The following A2ML1 variants were observed in gnomAD, a reference collection of about 807,000 sequenced individuals.
A2ML1 encodes alpha-2-macroglobulin like 1, also known as alpha-2-macroglobulin-like protein 1.
A2ML1 carries 161 observed loss-of-function variants against 181.9 expected under a neutral mutation model. The ratio of observed to expected loss-of-function variants is 0.89; its 90% CI spans 0.78 to 1.01. The LOEUF (loss-of-function observed/expected upper bound fraction) is 1.01, where lower values mean the gene tolerates loss of function less well. Ranked by LOEUF, A2ML1 falls within the 50% of genes least tolerant of loss-of-function variation. A2ML1 has a pLI of 0.00. For missense variants in A2ML1, 1,670 were observed against 1,768.1 expected, an observed-to-expected ratio of 0.94 and a Z score of 1.00; for synonymous variants, 663 against 666.8, an observed-to-expected ratio of 0.99 and a Z score of 0.09.
intron 14 of A2ML1, among the ~76,000 whole-genome samples, chr12:8,846,810 CAA>C (rs199881026): frequency 1.8e-3 from 239 of 130,212 alleles, no homozygotes; most frequent in Middle Eastern, 0.012. Context: ...GACTCTGTCT[CAA>C]AAAAAAAAAA....
chr12:8,834,615 T>C (rs371936725), intron 4 of A2ML1, 47 bp from the exon 5 acceptor site: 19 of 1,609,372 alleles, frequency 1.2e-5, no homozygotes, highest in African/African-American at 2.7e-5. Flanking sequence ...CTTATTCTTA[T>C]TGCTGTCAAC....
chr12:8,847,677 C>A lies in A2ML1; in HGVS notation c.1812C>A (p.Asp604Glu), dbSNP rs1182071876. ...AGAGTGTCTTACTGCTTAGGCCAGACAGAGAGCTGAGCAACCGCTCTGTGA... is the reference window on the plus strand; with the variant it reads ...AGAGTGTCTTACTGCTTAGGCCAGAAAGAGAGCTGAGCAACCGCTCTGTGA... ...VDESVLLLRP[D>E]RELSNRSVYG... Residue 604 changes from aspartate (D) to glutamate (E), a missense_variant, in exon 15 of 36, where the codon GAC (aspartate) becomes GAA (glutamate). Coordinates refer to ENST00000299698, the MANE Select transcript of A2ML1 (RefSeq NM_144670.6). 6.2e-7 allele frequency: 1 copy of A among 1,612,398 alleles called. No individual in the cohort carries two copies. The highest frequency in any genetic ancestry group is 1.7e-5 in the Admixed American group (1 of 59,774).
At chr12:8,834,567 AAAGG>A in intron 4 of A2ML1, 91 bp from the exon 5 acceptor site, 2 of 1,461,860 alleles carry the variant, frequency 1.4e-6, no homozygotes, top group Non-Finnish European at 1.9e-6. Context: ...GGCAAGAGGG[AAAGG>A]AAGAATTCTT....
At chr12:8,828,923 G>A (rs939395704) in intron 3 of A2ML1, among the ~76,000 whole-genome samples, 3 of 152,164 alleles carry the variant, frequency 2.0e-5, no homozygotes, top group African/African-American at 7.2e-5. Flanking sequence ...CCCTGTGATT[G>A]GGCAGCATTG....
Position 8,835,542 on chromosome 12 carries a change from A to C in A2ML1, c.519A>C (p.Glu173Asp), listed in dbSNP as rs1238188797. 2 of 1,614,190 alleles carry C rather than the reference A, an allele frequency of 1.2e-6. No individual in the cohort carries two copies. Among genetic ancestry groups the C allele is most frequent in the East Asian group, 4.5e-5 (2 of 44,886 alleles). ...PNSNRIAQWL[E>D]VVPEQGIVDL... ...GCAACAGGATTGCACAGTGGCTGGA[A>C]GTGGTACCTGAGCAAGGCATTGTAG... Residue 173 changes from glutamate (E) to aspartate (D), a missense_variant, in exon 6 of 36, where the codon GAA becomes GAC. Coordinates refer to ENST00000299698, the MANE Select transcript of A2ML1 (RefSeq NM_144670.6).
chr12:8,873,864 T>TTC (rs940445756), intron 33 of A2ML1, among the ~76,000 whole-genome samples: 15 of 151,860 alleles, frequency 9.9e-5, no homozygotes, highest in Non-Finnish European at 1.8e-4. Flanking sequence ...GGGTGGACCA[T>TTC]GAACAAAGGG....
intron 15 of A2ML1, among the ~76,000 whole-genome samples, chr12:8,848,003 A>T (rs902059772): frequency 7.9e-6 from 1 of 126,430 alleles, no homozygotes; most frequent in African/African-American, 3.1e-5. Flanking sequence ...AAAAAAAAAA[A>T]TTAACTGGGC....
chr12:8,883,962 G>T (rs762915081), intron 7 of A2ML1, among the ~76,000 whole-genome samples: 1,518 of 151,524 alleles, frequency 0.01, 28 homozygotes, highest in African/African-American at 0.035. Context: ...ATTTTTGTAT[G>T]TTTAGTAGAG....
intron 33 of A2ML1, among the ~76,000 whole-genome samples, chr12:8,870,045 G>A (rs1435096084): frequency 1.3e-5 from 2 of 152,244 alleles, no homozygotes; most frequent in Admixed American, 6.5e-5. Context: ...ATGTTCTAAA[G>A]ATTGTTACAA....
intron 18 of A2ML1, among the ~76,000 whole-genome samples, chr12:8,851,103 C>A (rs1185959657): frequency 1.3e-5 from 2 of 152,228 alleles, no homozygotes; most frequent in Middle Eastern, 3.2e-3. Flanking sequence ...TCCACACTCA[C>A]ACATTGCAGG....
chr12:8,851,858 C>T lies in A2ML1; in HGVS notation c.2309C>T (p.Thr770Ile). ...ITEWKAMSFC[T>I]SQSRGFGLSP... ...GAGTGGAAGGCGATGAGTTTCTGCACTTCCCAGTCAAGAGGCTTCGGGCTT... is the reference window on the plus strand; with the variant it reads ...GAGTGGAAGGCGATGAGTTTCTGCATTTCCCAGTCAAGAGGCTTCGGGCTT... Residue 770 changes from threonine (T) to isoleucine (I), a missense_variant, in exon 19 of 36, where the codon ACT becomes ATT. By Grantham distance (89) the Thr-to-Ile change is moderately conservative. Coordinates refer to ENST00000299698, the MANE Select transcript of A2ML1 (RefSeq NM_144670.6). The T allele has an allele frequency of 6.2e-7, 1 of 1,614,228 alleles. No individual in the cohort carries two copies. Among genetic ancestry groups the T allele is most frequent in the Non-Finnish European group, 8.5e-7 (1 of 1,180,044 alleles).
chr12:8,875,224 C>T (rs1185288204), intron 35 of A2ML1, among the ~76,000 whole-genome samples: 1 of 151,284 alleles, frequency 6.6e-6, no homozygotes, highest in Admixed American at 6.6e-5. Flanking sequence ...ATTATAGGCG[C>T]CCACCATGAT....
chr12:8,854,122 T>C lies in A2ML1; in HGVS notation c.2591-6T>C, dbSNP rs1943980893. On this transcript the variant is annotated splice_region_variant and splice_polypyrimidine_tract_variant and intron_variant, in intron 20 of 35. Transcript: ENST00000299698. Reference sequence around the variant, plus strand: ...GGCTAATGGCTTCCCTTCTTCTTTCTCTCAGGTCACATTAACTTTACTATT... The same window carrying C: ...GGCTAATGGCTTCCCTTCTTCTTTCCCTCAGGTCACATTAACTTTACTATT... 1.3e-6 allele frequency: 2 copies of C among 1,578,620 alleles called. No individual in the cohort carries two copies. The highest frequency in any genetic ancestry group is 8.6e-7 in the Non-Finnish European group (1 of 1,160,544).
At chr12:8,862,035 C>T (rs1201792465) in intron 28 of A2ML1, among the ~76,000 whole-genome samples, 2 of 152,190 alleles carry the variant, frequency 1.3e-5, no homozygotes, top group African/African-American at 4.8e-5. Flanking sequence ...GCTGGGATTA[C>T]AGGCGTGAGC....
intron 33 of A2ML1, among the ~76,000 whole-genome samples, chr12:8,869,649 C>T (rs1288315689): frequency 6.6e-6 from 1 of 151,788 alleles, no homozygotes; most frequent in Non-Finnish European, 1.5e-5. Context: ...TCAATTCTGA[C>T]TGACCTCATT....
chr12:8,863,887 AT>A lies in A2ML1; in HGVS notation c.3597del (p.Tyr1199Ter). The A allele has an allele frequency of 6.2e-7, 1 of 1,614,204 alleles. No homozygotes were observed. The highest frequency in any genetic ancestry group is 8.5e-7 in the Non-Finnish European group (1 of 1,180,016). On this transcript the variant is annotated frameshift_variant, in exon 29 of 36. Transcript: ENST00000299698. LOFTEE classifies it high-confidence loss of function. Reference sequence around the variant, plus strand: ...GCTGTAGATGTGGAACTCACAGCATATGCATTGTTGGCCCAGCTTACCAAGC... The same window carrying A: ...GCTGTAGATGTGGAACTCACAGCATAGCATTGTTGGCCCAGCTTACCAAGC... ...PAAVDVELTA[Y>X]ALLAQLTKPS...
At chr12:8,835,720 C>G (rs1185494396) in intron 6 of A2ML1, 54 bp downstream of exon 6, 3 of 1,604,704 alleles carry the variant, frequency 1.9e-6, no homozygotes, top group Non-Finnish European at 2.6e-6. Flanking sequence ...ATCTTAAAAT[C>G]AGCAAAGGTG....
rs1944243529 is a variant in A2ML1, at chr12:8,861,066, G to T, written c.3340-69G>T. 4 of 1,606,212 alleles carry T rather than the reference G, an allele frequency of 2.5e-6. No homozygotes were observed. In the East Asian group the frequency reaches 8.9e-5, roughly 36 times the overall value. ...CTTTTAAGGTCAAGAAGGATAAGATGATTTCCTGATTACTTGCCATTTTTA... is the reference window on the plus strand; with the variant it reads ...CTTTTAAGGTCAAGAAGGATAAGATTATTTCCTGATTACTTGCCATTTTTA... On this transcript the variant is annotated intron_variant, in intron 27 of 35. Transcript: ENST00000299698.
At chr12:8,825,158 C>G (rs769733878) in intron 3 of A2ML1, among the ~76,000 whole-genome samples, 1 of 152,056 alleles carries the variant, frequency 6.6e-6, no homozygotes, top group East Asian at 1.9e-4. Flanking sequence ...TAGTTTTTTT[C>G]AGAAACCTCC....
Sources: allele counts gnomAD v4.1 joint callset (sites outside exome capture counted in the v4.1 genomes callset), GRCh38; gene constraint gnomAD v4.1.1; transcripts MANE v1.5; gene names NCBI Gene and HGNC (gene_info 2026-07-23, HGNC 2026-07-21).